WDR75: variants seen among roughly 807,000 people sequenced by gnomAD.
The protein encoded by WDR75 is WD repeat domain 75, also known as WD repeat-containing protein 75.
WDR75 carries 52 observed loss-of-function variants against 106.1 expected under a neutral mutation model. That is an observed-to-expected ratio of 0.49 (90% confidence interval 0.39 to 0.62). The LOEUF (loss-of-function observed/expected upper bound fraction) is 0.62. WDR75 is among the 20% of genes least tolerant of loss of function. WDR75 has a pLI of 0.00. For synonymous variants in WDR75, 333 were observed against 335.5 expected (o/e 0.99, Z 0.08); for missense variants, 905 against 970.3 (o/e 0.93, Z 0.89).
chr2:189,470,679 A>AT (rs1277947732), intron 17 of WDR75, 140 bp from the exon 18 acceptor site: 6 of 478,770 alleles, frequency 1.3e-5, no homozygotes, highest in Non-Finnish European at 2.1e-5. Context: ...ATAGGTTTAA[A>AT]TCTTTTATTC....
chr2:189,450,863 CT>C (rs1558982025), intron 2 of WDR75, 39 bp from the exon 3 acceptor site: 13 of 1,592,934 alleles, frequency 8.2e-6, no homozygotes, highest in Admixed American at 1.9e-5. Context: ...TGATGAATTT[CT>C]TTTTTTTAAA....
intron 9 of WDR75, among the ~76,000 whole-genome samples, chr2:189,463,460 G>A (rs988287852): frequency 6.6e-6 from 1 of 152,110 alleles, no homozygotes; most frequent in African/African-American, 2.4e-5. Context: ...TAACCCAGGG[G>A]TGTCCAATCT....
intron 7 of WDR75, 123 bp from the exon 8 acceptor site, chr2:189,459,213 C>T (rs368021767): frequency 2.8e-6 from 2 of 720,926 alleles, no homozygotes; most frequent in South Asian, 4.2e-5. Context: ...CACATTAAGA[C>T]CAGAAGCCTT....
intron 1 of WDR75, among the ~76,000 whole-genome samples, chr2:189,447,404 T>C (rs1317910392): frequency 6.6e-6 from 1 of 152,218 alleles, no homozygotes; most frequent in Non-Finnish European, 1.5e-5. Flanking sequence ...GAATAAAGTC[T>C]TTGTATTTTT....
At chr2:189,452,516 G>A (rs1387108944) in intron 4 of WDR75, among the ~76,000 whole-genome samples, 1 of 150,524 alleles carries the variant, frequency 6.6e-6, no homozygotes, top group Non-Finnish European at 1.5e-5. Flanking sequence ...GAGCTGAGAT[G>A]GCGCCACTGC....
chr2:189,450,894 C>T lies in WDR75; in HGVS notation c.217-9C>T. The T allele has an allele frequency of 6.2e-7, 1 of 1,603,900 alleles. No individual in the cohort carries two copies. The highest frequency in any genetic ancestry group is 8.5e-7 in the Non-Finnish European group (1 of 1,177,580). ...TTTAAATCAATTTTGTATTGTTTTA[C>T]CCTTTTAGCTGTATTCTTGTTCCCT... On this transcript the variant is annotated splice_polypyrimidine_tract_variant and intron_variant, in intron 2 of 20. Transcript: ENST00000314761.
chr2:189,446,792 C>T (rs898074755), intron 1 of WDR75, among the ~76,000 whole-genome samples: 1 of 152,160 alleles, frequency 6.6e-6, no homozygotes, highest in Non-Finnish European at 1.5e-5. Context: ...AGTTATAAAT[C>T]AGGCACAGAG....
At chr2:189,474,407 C>G (rs1400871939) in intron 19 of WDR75, 75 bp downstream of exon 19, 1 of 1,490,294 alleles carries the variant, frequency 6.7e-7, no homozygotes, top group Non-Finnish European at 9.1e-7. Flanking sequence ...TTGACACAGT[C>G]AATCTGTAAT....
intron 18 of WDR75, among the ~76,000 whole-genome samples, chr2:189,472,840 T>TA (rs1484592749): frequency 6.6e-6 from 1 of 152,214 alleles, no homozygotes; most frequent in Non-Finnish European, 1.5e-5. Flanking sequence ...CCTGAAGCCT[T>TA]ACTGATAACA....
In WDR75 at chr2:189,448,366, CT is replaced by C. The variant is rs756300100; in HGVS notation, c.87-5del. ...CAGTATGTAAAACTTACTTTTCTTT[CT>C]TTTTTTTCCAGGTATATCTTCTGTG... On this transcript the variant is annotated splice_polypyrimidine_tract_variant and intron_variant, in intron 1 of 20. Coordinates refer to ENST00000314761, the MANE Select transcript of WDR75 (RefSeq NM_032168.3). 3.7e-6 allele frequency: 6 copies of C among 1,606,874 alleles called. No individual in the cohort carries two copies. The highest frequency in any genetic ancestry group is 1.3e-5 in the African/African-American group (1 of 74,394).
At chr2:189,445,177 C>T (rs1016594780) in intron 1 of WDR75, among the ~76,000 whole-genome samples, 2 of 152,216 alleles carry the variant, frequency 1.3e-5, no homozygotes, top group African/African-American at 4.8e-5. Context: ...CAGTGGCTAA[C>T]TGTAAGTGGA....
chr2:189,448,818 G>A (rs1283300679), intron 2 of WDR75: 2 of 495,392 alleles, frequency 4.0e-6, no homozygotes, highest in Admixed American at 2.3e-5. Context: ...TACATGCATT[G>A]CGAATATCCA....
chr2:189,443,299 A>C (rs1437970192), intron 1 of WDR75, among the ~76,000 whole-genome samples: 1 of 152,168 alleles, frequency 6.6e-6, no homozygotes, highest in African/African-American at 2.4e-5. Context: ...TGGACAGAAG[A>C]CATTTCAGGT....
At chr2:189,456,953 A>C (rs777888532) in intron 5 of WDR75, among the ~76,000 whole-genome samples, 3 of 152,194 alleles carry the variant, frequency 2.0e-5, no homozygotes, top group Non-Finnish European at 2.9e-5. Context: ...CTTTTTAAAC[A>C]GTGTTGGGCC....
At chr2:189,454,018 AC>A (rs1486498402) in intron 4 of WDR75, among the ~76,000 whole-genome samples, 2 of 152,226 alleles carry the variant, frequency 1.3e-5, no homozygotes, top group East Asian at 3.8e-4. Context: ...TTATGATTGC[AC>A]AAAACAAAAC....
chr2:189,465,003 C>A, intron 11 of WDR75, 76 bp from the exon 12 acceptor site: 1 of 1,116,806 alleles, frequency 9.0e-7, no homozygotes, highest in East Asian at 2.5e-5. Flanking sequence ...AGTTAATTAT[C>A]ATTTCTTGAA....
At chr2:189,451,480 G>A (rs1004617069) in intron 3 of WDR75, among the ~76,000 whole-genome samples, 4 of 152,074 alleles carry the variant, frequency 2.6e-5, no homozygotes, top group Admixed American at 6.5e-5. Flanking sequence ...CAATAAACAC[G>A]TTTTGCTACA....
chr2:189,455,535 T>C, intron 5 of WDR75, 91 bp downstream of exon 5: 1 of 1,462,664 alleles, frequency 6.8e-7, no homozygotes, highest in Non-Finnish European at 9.2e-7. Flanking sequence ...AGTGATTTTA[T>C]ATTCCCTTGA....
chr2:189,468,157 TTTC>T (rs1687043245), intron 14 of WDR75, among the ~76,000 whole-genome samples: 2 of 152,104 alleles, frequency 1.3e-5, no homozygotes, highest in Non-Finnish European at 2.9e-5. Context: ...AATCGCAAGT[TTTC>T]TTCTTCTTGG....
Sources: gnomAD v4.1 joint callset for allele counts (sites outside exome capture counted in the v4.1 genomes callset) on GRCh38, gnomAD v4.1.1 for gene constraint, MANE v1.5 for transcripts, NCBI Gene and HGNC (gene_info 2026-07-23, HGNC 2026-07-21) for gene names.